DESI1: variants seen among roughly 807,000 people sequenced by gnomAD.
The protein encoded by DESI1 is desumoylating isopeptidase 1.
A neutral mutation model predicts 22.4 loss-of-function variants in DESI1; 17 were observed. That is an observed-to-expected ratio of 0.76 (90% CI 0.52 to 1.14). The LOEUF (loss-of-function observed/expected upper bound fraction) is 1.14. Ranked by LOEUF, DESI1 falls within the 50% of genes most tolerant of loss-of-function variation. The pLI is 0.00. For missense variants in DESI1, 177 were observed against 208.9 expected (o/e 0.85, Z 0.94); for synonymous variants, 92 against 84.2 (o/e 1.09, Z -0.51).
chr22:41,598,528 T>C lies in DESI1; in HGVS notation c.*2569A>G, dbSNP rs1211105566. 6.6e-6 allele frequency: 1 copy of C among 151,224 alleles called. No individual in the cohort carries two copies. 9.4% of individuals were successfully genotyped at this position (151,224 alleles called of 1,614,324 possible). ...AAATGGCTGCTAGTATAAAGGGGGG[T>C]GCTGTTCAAGGAAATGAGTGACTCA... is the stretch of plus-strand genomic sequence containing the variant. On this transcript the variant is annotated 3_prime_UTR_variant, in exon 6 of 6. Coordinates refer to ENST00000263256, the MANE Select transcript of DESI1 (RefSeq NM_015704.3).
intron 1 of DESI1, among the ~76,000 whole-genome samples, chr22:41,620,227 C>T (rs889179864): frequency 1.3e-5 from 2 of 152,132 alleles, no homozygotes; most frequent in African/African-American, 4.8e-5. Context: ...CTAGGCAGCT[C>T]TATCTCCCCC....
At position 41,600,883 on chromosome 22, in the gene DESI1, A is replaced by G. The variant is rs2067445849; in HGVS notation, c.*214T>C. 1.9e-6 allele frequency: 1 copy of G among 535,332 alleles called. No individual in the cohort carries two copies. Among genetic ancestry groups the G allele is most frequent in the South Asian group, 2.2e-5 (1 of 45,710 alleles). 33.2% of individuals were successfully genotyped at this position (535,332 alleles called of 1,614,324 possible). A position where few individuals can be genotyped will look rare whatever the true frequency, so the allele number is the denominator to read the frequency against. On this transcript the variant is annotated 3_prime_UTR_variant, in exon 6 of 6. Coordinates refer to ENST00000263256, the MANE Select transcript of DESI1 (RefSeq NM_015704.3). ...CGCACAGACAAGACAGCCTTAATAA[A>G]TTAGTATAATACTATTAGAAGGGGT...
Position 41,600,787 on chromosome 22 carries a change from C to T in DESI1, c.*310G>A, listed in dbSNP as rs1337312439. On this transcript the variant is annotated 3_prime_UTR_variant, in exon 6 of 6. Transcript: ENST00000263256. ...TGGGGCTCCCGCAAACTGTGACTCG[C>T]TTTCTGTTTAAACAAAGCCCCTCCC... 2 of 284,546 alleles carry T rather than the reference C, an allele frequency of 7.0e-6. No individual in the cohort carries two copies. Among genetic ancestry groups the T allele is most frequent in the Admixed American group, 4.9e-5 (1 of 20,394 alleles). The allele number at this position is 284,546 out of a possible 1,614,324, so 17.6% of individuals were successfully genotyped here. A position where few individuals can be genotyped will look rare whatever the true frequency, so the allele number is the denominator to read the frequency against.
intron 3 of DESI1, 27 bp from the exon 4 acceptor site, chr22:41,604,180 A>ATTAAG: frequency 6.2e-7 from 1 of 1,605,856 alleles, no homozygotes; most frequent in Non-Finnish European, 8.5e-7. Flanking sequence ...AAAGGAAGTC[A>ATTAAG]TTAAGTTACC....
At chr22:41,608,491 C>G (rs922627688) in intron 1 of DESI1, among the ~76,000 whole-genome samples, 2 of 152,160 alleles carry the variant, frequency 1.3e-5, no homozygotes, top group Admixed American at 1.3e-4. Context: ...TTGTGAGCTT[C>G]CATTACCAAT....
chr22:41,607,768 C>T, intron 2 of DESI1, 72 bp downstream of exon 2: 1 of 1,569,980 alleles, frequency 6.4e-7, no homozygotes, highest in Non-Finnish European at 8.8e-7. Context: ...AAGCCACAGA[C>T]TAGAACCTGA....
chr22:41,615,695 C>A (rs2067546806), intron 1 of DESI1, among the ~76,000 whole-genome samples: 1 of 152,152 alleles, frequency 6.6e-6, no homozygotes, highest in Non-Finnish European at 1.5e-5. Flanking sequence ...TACTGAACAC[C>A]TGCTCCAACA....
rs2067437029 is a variant in DESI1 at position 41,599,297 on chromosome 22, C to G, written c.*1800G>C. 1 of 152,176 alleles carries G rather than the reference C, an allele frequency of 6.6e-6. No homozygotes were observed. Among genetic ancestry groups the G allele is most frequent in the Non-Finnish European group, 1.5e-5 (1 of 68,026 alleles). 9.4% of individuals were successfully genotyped at this position (152,176 alleles called of 1,614,324 possible). Reference sequence around the variant, plus strand: ...GGCAGCTCTGAGTCCCTTCTTCATGCTCACTTTCCCAAAATCTAACTAATG... The same window carrying G: ...GGCAGCTCTGAGTCCCTTCTTCATGGTCACTTTCCCAAAATCTAACTAATG... On this transcript the variant is annotated 3_prime_UTR_variant, in exon 6 of 6. Coordinates refer to ENST00000263256, the MANE Select transcript of DESI1 (RefSeq NM_015704.3).
In DESI1 at chr22:41,620,831, C is replaced by A; in HGVS notation, c.9G>T (p.Pro3=). 6.2e-7 allele frequency: 1 copy of A among 1,609,262 alleles called. No homozygotes were observed. The highest frequency in any genetic ancestry group is 1.1e-5 in the South Asian group (1 of 90,452). The change falls in exon 1 of 6, where the codon CCG becomes CCT. Residue 3 remains proline, a synonymous_variant. Coordinates refer to ENST00000263256, the MANE Select transcript of DESI1 (RefSeq NM_015704.3). ...AGAGCTTCACCGGATAGAGATTCGGCGGCTCCATTGGGACCCGTGGCGACG... is the reference window on the plus strand; with the variant it reads ...AGAGCTTCACCGGATAGAGATTCGGAGGCTCCATTGGGACCCGTGGCGACG... ME[P]PNLYPVKLYV...
intron 2 of DESI1, 116 bp downstream of exon 2, chr22:41,607,724 G>T: frequency 8.1e-7 from 1 of 1,242,192 alleles, no homozygotes; most frequent in Non-Finnish European, 1.2e-6. Context: ...AGGGCTTGAA[G>T]ATTTATAGCA....
chr22:41,614,511 G>A (rs1303225377), intron 1 of DESI1, among the ~76,000 whole-genome samples: 5 of 147,436 alleles, frequency 3.4e-5, no homozygotes, highest in African/African-American at 1.3e-4. Context: ...CTCCGTCTCC[G>A]GGGTTCAAGT....
intron 3 of DESI1, among the ~76,000 whole-genome samples, chr22:41,606,773 CAAAAAAAAAAAA>C (rs67262006): frequency 1.1e-4 from 7 of 62,736 alleles, no homozygotes; most frequent in South Asian, 1.8e-3. Context: ...GACTCCATCT[CAAAAAAAAAAAA>C]AAAAAAAAAA....
chr22:41,603,147 G>C, intron 5 of DESI1, 112 bp downstream of exon 5: 1 of 1,518,884 alleles, frequency 6.6e-7, no homozygotes, highest in South Asian at 1.2e-5. Context: ...CTGCCATCAG[G>C]GCAGGCCCAC....
chr22:41,603,937 G>T, intron 4 of DESI1, 107 bp downstream of exon 4: 1 of 987,418 alleles, frequency 1.0e-6, no homozygotes, highest in Non-Finnish European at 1.5e-6. Context: ...ACTGGGCCAG[G>T]CCTTGTGCTG....
chr22:41,605,235 T>C (rs927633959), intron 3 of DESI1, among the ~76,000 whole-genome samples: 2 of 152,224 alleles, frequency 1.3e-5, no homozygotes, highest in Admixed American at 6.5e-5. Flanking sequence ...CAGTTCTTTT[T>C]GGATCTGTGA....
At position 41,607,264 on chromosome 22, in the gene DESI1, G is replaced by C. The variant is rs752873950; in HGVS notation, c.178C>G (p.Pro60Ala). The C allele has an allele frequency of 9.3e-6, 15 of 1,609,094 alleles. No homozygotes were observed. Among genetic ancestry groups the C allele is most frequent in the Non-Finnish European group, 1.1e-5 (13 of 1,177,612 alleles). ...AGAGTGTAGGGGAAGACACTCACCG[G>C]GGGGCAGCTGGAGATACCACCACTG... ...FGSGGISSCP[P>A]GGTLLGPPDS... Residue 60 changes from proline to alanine, a missense_variant and splice_region_variant, in exon 3 of 6, where the codon CCG (proline) becomes GCG (alanine). Transcript: ENST00000263256.
chr22:41,617,842 A>G (rs974554743), intron 1 of DESI1, among the ~76,000 whole-genome samples: 6 of 152,086 alleles, frequency 3.9e-5, no homozygotes, highest in Admixed American at 3.9e-4. Flanking sequence ...GGGCAGGTCT[A>G]TTACTCCATC....
intron 1 of DESI1, among the ~76,000 whole-genome samples, chr22:41,610,106 G>T (rs2067507889): frequency 1.4e-5 from 2 of 141,592 alleles, no homozygotes; most frequent in South Asian, 2.2e-4. Flanking sequence ...AAAAGACAAG[G>T]TACGGTGGCT....
At position 41,601,040 on chromosome 22, in the gene DESI1, T is replaced by A. The variant is rs2067446891; in HGVS notation, c.*57A>T. The A allele has an allele frequency of 6.2e-6, 9 of 1,448,690 alleles. No individual in the cohort carries two copies. 89.7% of individuals were successfully genotyped at this position (1,448,690 alleles called of 1,614,324 possible). A position where few individuals can be genotyped will look rare whatever the true frequency, so the allele number is the denominator to read the frequency against. ...TTATAAAATAGAAATCTGGTAGGGT[T>A]TGTTTTGTTTAAAAAGGAAAAGCCC... On this transcript the variant is annotated 3_prime_UTR_variant, in exon 6 of 6. Transcript: ENST00000263256.
Sources: allele counts gnomAD v4.1 joint callset (sites outside exome capture counted in the v4.1 genomes callset), GRCh38; gene constraint gnomAD v4.1.1; transcripts MANE v1.5; gene names NCBI Gene and HGNC (gene_info 2026-07-23, HGNC 2026-07-21).